Variants in SPNS3 observed in about 807,000 individuals in gnomAD.
The protein encoded by SPNS3 is SPNS lysolipid transporter 3, sphingosine-1-phosphate (putative), also known as protein spinster homolog 3.
SPNS3 carries 51 observed loss-of-function variants against 54.4 expected under a neutral mutation model. The observed-to-expected ratio is 0.94, with a 90% CI of 0.75 to 1.18. The LOEUF (loss-of-function observed/expected upper bound fraction) is 1.18, where lower values mean the gene tolerates loss of function less well. SPNS3 is among the 50% of genes most tolerant of loss of function. The pLI is 0.00. For missense variants in SPNS3, 669 were observed against 677.4 expected, an observed-to-expected ratio of 0.99 and a Z score of 0.14; for synonymous variants, 309 against 294.7, an observed-to-expected ratio of 1.05 and a Z score of -0.50.
At chr17:4,479,064 T>G (rs1597342319) in intron 9 of SPNS3, among the ~76,000 whole-genome samples, 1 of 152,126 alleles carries the variant, frequency 6.6e-6, no homozygotes, top group Non-Finnish European at 1.5e-5. Flanking sequence ...TGCCTCAGCC[T>G]CCCAAGTAGC....
At chr17:4,454,421 G>A (rs911147646) in intron 8 of SPNS3, among the ~76,000 whole-genome samples, 1 of 152,218 alleles carries the variant, frequency 6.6e-6, no homozygotes, top group Admixed American at 6.5e-5. Context: ...GCTTGCACAT[G>A]TTAACCAGGT....
chr17:4,447,811 A>T (rs1942384225), intron 5 of SPNS3, among the ~76,000 whole-genome samples: 1 of 152,144 alleles, frequency 6.6e-6, no homozygotes, highest in South Asian at 2.1e-4. Flanking sequence ...GCTCTAGGAC[A>T]GCAAGTACTC....
At position 4,486,687 on chromosome 17, in the gene SPNS3, C is replaced by T; in HGVS notation, c.1450+104C>T. Reference sequence around the variant, plus strand: ...TGGCCAGTTTGTTTGTTCATTCATCCAGAAATGCTTAGTACACCCCTGCTA... The same window carrying T: ...TGGCCAGTTTGTTTGTTCATTCATCTAGAAATGCTTAGTACACCCCTGCTA... On this transcript the variant is annotated intron_variant, in intron 11 of 11. Transcript: ENST00000355530. This position sits in a 1 kb window ranked among gnomAD's most constrained non-coding sequence, Gnocchi z 5.5. 7.9e-7 allele frequency: 1 copy of T among 1,264,846 alleles called. No individual in the cohort carries two copies. The allele number at this position is 1,264,846 out of a possible 1,614,324, so 78.4% of individuals were successfully genotyped here.
At chr17:4,473,969 A>G (rs2144181756) in intron 8 of SPNS3, among the ~76,000 whole-genome samples, 1 of 150,884 alleles carries the variant, frequency 6.6e-6, no homozygotes, top group Middle Eastern at 3.4e-3. Context: ...CCTCTTGGAT[A>G]AGCCCTTTCT....
chr17:4,447,240 A>G (rs1037708596), intron 5 of SPNS3, among the ~76,000 whole-genome samples: 3 of 152,156 alleles, frequency 2.0e-5, no homozygotes, highest in African/African-American at 7.2e-5. Flanking sequence ...GCCTGTCGGT[A>G]AAGCGGGGGT....
chr17:4,487,796 C>T lies in SPNS3; in HGVS notation c.1451-10C>T. 3 of 1,613,456 alleles carry T rather than the reference C, an allele frequency of 1.9e-6. No individual in the cohort carries two copies. The highest frequency in any genetic ancestry group is 2.5e-6 in the Non-Finnish European group (3 of 1,179,430). On this transcript the variant is annotated splice_polypyrimidine_tract_variant and intron_variant, in intron 11 of 11. Transcript: ENST00000355530. ...ACCTTCGGGCAGGCTGAGCATCTTTCCTCCTGCAGGGACCCCAGACAGCAA... is the reference window on the plus strand; with the variant it reads ...ACCTTCGGGCAGGCTGAGCATCTTTTCTCCTGCAGGGACCCCAGACAGCAA...
chr17:4,448,369 C>A (rs1396075600), intron 6 of SPNS3, 66 bp downstream of exon 6: 11 of 1,391,744 alleles, frequency 7.9e-6, no homozygotes, highest in African/African-American at 1.5e-5. Context: ...GCATCATTGA[C>A]CCCCTCTCTC....
chr17:4,486,338 C>A lies in SPNS3; in HGVS notation c.1278+12C>A, dbSNP rs890404991. The A allele has an allele frequency of 1.9e-6, 3 of 1,594,490 alleles. No homozygotes were observed. The highest frequency in any genetic ancestry group is 2.6e-6 in the Non-Finnish European group (3 of 1,170,162). ...ATCTCACAGGACTTGTAAGACGTGT[C>A]TGCGTGTGTGGGGTGGGGAGGGTCT... On this transcript the variant is annotated intron_variant, in intron 10 of 11. Coordinates refer to ENST00000355530, the MANE Select transcript of SPNS3 (RefSeq NM_182538.5). This position sits in a 1 kb window ranked among gnomAD's most constrained non-coding sequence, Gnocchi z 5.5.
At chr17:4,463,609 T>G (rs985624524) in intron 8 of SPNS3, among the ~76,000 whole-genome samples, 15 of 149,490 alleles carry the variant, frequency 1.0e-4, no homozygotes, top group African/African-American at 3.0e-4. Context: ...CGTGGCGGCA[T>G]GCGCCTTTAA....
intron 9 of SPNS3, among the ~76,000 whole-genome samples, chr17:4,479,822 C>G (rs1432212383): frequency 6.6e-6 from 1 of 152,146 alleles, no homozygotes; most frequent in Non-Finnish European, 1.5e-5. Flanking sequence ...CCTCAGTATC[C>G]GGATGTGGAA....
intron 8 of SPNS3, among the ~76,000 whole-genome samples, chr17:4,468,690 G>T (rs1004931622): frequency 1.4e-5 from 2 of 141,266 alleles, no homozygotes; most frequent in African/African-American, 2.5e-5. Context: ...CATTCAACTG[G>T]ACCTCTTTTC....
rs1197553527 is a variant in SPNS3, at chr17:4,449,251, T to C, written c.787T>C (p.Ser263Pro). The part of the protein sequence containing the change: ...YLGKNWSFVW[S>P]TLGVTAMAFV... Reference sequence around the variant, plus strand: ...GTCTTGCAGCTGGAGTTTCGTGTGGTCGACCCTCGGAGTGACCGCCATGGC... The same window carrying C: ...GTCTTGCAGCTGGAGTTTCGTGTGGCCGACCCTCGGAGTGACCGCCATGGC... The change falls in exon 7 of 12, where the codon TCG (serine) becomes CCG (proline). Residue 263 changes from serine (S) to proline (P), a missense_variant. Transcript: ENST00000355530. 1 of 1,610,878 alleles carries C rather than the reference T, an allele frequency of 6.2e-7. No homozygotes were observed. The highest frequency in any genetic ancestry group is 1.7e-5 in the Admixed American group (1 of 59,446).
At chr17:4,462,803 A>ATCTAT in intron 8 of SPNS3, among the ~76,000 whole-genome samples, 1 of 118,560 alleles carries the variant, frequency 8.4e-6, no homozygotes, top group African/African-American at 4.3e-5. Context: ...CCATCCATCC[A>ATCTAT]CCAATCTATC....
intron 1 of SPNS3, among the ~76,000 whole-genome samples, chr17:4,435,690 C>G (rs529732899): frequency 6.6e-6 from 1 of 152,202 alleles, no homozygotes; most frequent in African/African-American, 2.4e-5. Flanking sequence ...CACGTCCTGC[C>G]TTCCTTCTTG....
intron 3 of SPNS3, 112 bp from the exon 4 acceptor site, chr17:4,445,936 A>G (rs1434956249): frequency 1.6e-6 from 2 of 1,283,402 alleles, no homozygotes; most frequent in Non-Finnish European, 2.1e-6. Context: ...CCCTCTCCCT[A>G]CTCTGGGGTC....
intron 8 of SPNS3, among the ~76,000 whole-genome samples, chr17:4,474,051 C>A (rs1239450765): frequency 6.6e-6 from 1 of 152,220 alleles, no homozygotes; most frequent in Non-Finnish European, 1.5e-5. Context: ...CAGGCCCACT[C>A]GTCCTTCCTC....
At chr17:4,487,103 C>A (rs1176388212) in intron 11 of SPNS3, among the ~76,000 whole-genome samples, 1 of 132,366 alleles carries the variant, frequency 7.6e-6, no homozygotes, top group Admixed American at 8.8e-5. Context: ...ACCCGGGAGG[C>A]GGAGGCTATA....
chr17:4,448,438 G>A, intron 6 of SPNS3, 135 bp downstream of exon 6: 1 of 853,912 alleles, frequency 1.2e-6, no homozygotes, highest in Non-Finnish European at 1.7e-6. Flanking sequence ...CTTCCTCTGA[G>A]ATCGCACTTA....
intron 8 of SPNS3, among the ~76,000 whole-genome samples, chr17:4,470,376 C>T (rs767142457): frequency 2.0e-5 from 3 of 151,988 alleles, no homozygotes; most frequent in Non-Finnish European, 2.9e-5. Context: ...TGCAGTGAGC[C>T]GAGATCACGC....
Sources: allele counts gnomAD v4.1 joint callset (sites outside exome capture counted in the v4.1 genomes callset), GRCh38; gene constraint gnomAD v4.1.1; non-coding constraint Gnocchi (gnomAD v3.1); transcripts MANE v1.5; gene names NCBI Gene and HGNC (gene_info 2026-07-23, HGNC 2026-07-21).